BRIP1: variants seen among roughly 807,000 people sequenced by gnomAD.
The protein encoded by BRIP1 is BRCA1 interacting DNA helicase 1.
In BRIP1, 88 loss-of-function variants were observed where a neutral mutation model predicts 119.7. The ratio of observed to expected loss-of-function variants is 0.74; its 90% CI spans 0.62 to 0.88. The LOEUF is 0.88. BRIP1 is among the 40% of genes least tolerant of loss of function. BRIP1 has a pLI of 0.00. For missense variants in BRIP1, 1,259 were observed against 1,455.4 expected, an observed-to-expected ratio of 0.87 and a Z score of 2.20; for synonymous variants, 443 against 496.5, an observed-to-expected ratio of 0.89 and a Z score of 1.43.
rs576312975 is a variant in BRIP1 at position 61,791,267 on chromosome 17, T to A, written c.1473+2330A>T. Among the ~76,000 whole-genome samples the A allele has an allele frequency of 1.3e-3, 204 of 151,858 alleles. No homozygotes were observed. In the South Asian group the frequency reaches 0.014, roughly 11 times the overall value. Reference sequence around the variant, plus strand: ...ACTTTGGGAGGCCAAGGCAGGTGGATCACTTGAGGTCAGGAGTTTGACACC... The same window carrying A: ...ACTTTGGGAGGCCAAGGCAGGTGGAACACTTGAGGTCAGGAGTTTGACACC... On this transcript the variant is annotated intron_variant, in intron 10 of 19. Transcript: ENST00000259008.
chr17:61,846,694 T>C lies in BRIP1; in HGVS notation c.627+407A>G, dbSNP rs2078738390. On this transcript the variant is annotated intron_variant, in intron 6 of 19. Coordinates refer to ENST00000259008, the MANE Select transcript of BRIP1 (RefSeq NM_032043.3). This position sits in a 1 kb window ranked among gnomAD's most constrained non-coding sequence, Gnocchi z 4.3. ...GAGCCACCACGCCTGGCCTACAACA[T>C]CTTAATATTATTACAAAAATAATTT... Among the ~76,000 whole-genome samples, 1 of 152,102 alleles carries C rather than the reference T, an allele frequency of 6.6e-6. No individual in the cohort carries two copies.
rs1015213243 is a variant in BRIP1, at chr17:61,780,178, T to C, written c.1935+83A>G. 1.4e-6 allele frequency: 2 copies of C among 1,415,628 alleles called. No individual in the cohort carries two copies. The highest frequency in any genetic ancestry group is 9.8e-7 in the Non-Finnish European group (1 of 1,017,906). The allele number at this position is 1,415,628 out of a possible 1,614,324, so 87.7% of individuals were successfully genotyped here. ...CCTACCAAGATTTACTTGCTGGCACTTCAGGTATCTTCTAACTTGTTTACA... is the reference window on the plus strand; with the variant it reads ...CCTACCAAGATTTACTTGCTGGCACCTCAGGTATCTTCTAACTTGTTTACA... On this transcript the variant is annotated intron_variant, in intron 13 of 19. Transcript: ENST00000259008. The surrounding 1 kb of genome is among the most constrained non-coding windows in gnomAD (Gnocchi z 5.4).
intron 6 of BRIP1, among the ~76,000 whole-genome samples, chr17:61,818,207 G>A (rs556799028): frequency 1.1e-4 from 17 of 147,902 alleles, no homozygotes; most frequent in African/African-American, 4.0e-4. Context: ...GGAGGGGGGG[G>A]AAAGATGGGC....
At chr17:61,835,925 A>G (rs1367290969) in intron 6 of BRIP1, among the ~76,000 whole-genome samples, 1 of 152,132 alleles carries the variant, frequency 6.6e-6, no homozygotes, top group African/African-American at 2.4e-5. Flanking sequence ...CTGTAAAAGA[A>G]CTATTAAAAA....
chr17:61,796,595 T>C lies in BRIP1; in HGVS notation c.1340+2505A>G, dbSNP rs2145272934. ...TGTGGATTTGTTTCTGAGTTCTCTA[T>C]TCTGTTCCATTGATCTGTGTGTCTG... is the stretch of plus-strand genomic sequence containing the variant. On this transcript the variant is annotated intron_variant, in intron 9 of 19. Transcript: ENST00000259008. The surrounding 1 kb of genome is among the most constrained non-coding windows in gnomAD (Gnocchi z 4.8). Among the ~76,000 whole-genome samples, 1 of 152,216 alleles carries C rather than the reference T, an allele frequency of 6.6e-6. No individual in the cohort carries two copies. The highest frequency in any genetic ancestry group is 1.9e-4 in the East Asian group (1 of 5,188).
At position 61,684,659 on chromosome 17, in the gene BRIP1, A is replaced by G. The variant is rs987574077; in HGVS notation, c.2906-519T>C. On this transcript the variant is annotated intron_variant, in intron 19 of 19. Transcript: ENST00000259008. This position sits in a 1 kb window ranked among gnomAD's most constrained non-coding sequence, Gnocchi z 4.5. ...TAATCGGCTTGAATTCACTATTTAT[A>G]GTGAATTTTGTATTACTATTTTGTA... 5.9e-5 allele frequency: 9 copies of G among 152,884 alleles called. No homozygotes were observed. Among genetic ancestry groups the G allele is most frequent in the African/African-American group, 2.2e-4 (9 of 41,454 alleles). 9.5% of individuals were successfully genotyped at this position (152,884 alleles called of 1,614,324 possible).
In BRIP1 at chr17:61,708,062, G is replaced by A. The variant is rs1441048587; in HGVS notation, c.2492+7889C>T. On this transcript the variant is annotated intron_variant, in intron 17 of 19. Transcript: ENST00000259008. This position sits in a 1 kb window ranked among gnomAD's most constrained non-coding sequence, Gnocchi z 4.4. ...GGGTTTCACCATGTTGGCCAGGCTG[G>A]TCTCAAACTGCTGACCTCAAGTGAT... Among the ~76,000 whole-genome samples the A allele has an allele frequency of 6.6e-6, 1 of 151,996 alleles. No homozygotes were observed. Among genetic ancestry groups the A allele is most frequent in the African/African-American group, 2.4e-5 (1 of 41,358 alleles).
In BRIP1 at chr17:61,828,552, A is replaced by G. The variant is rs1324377909; in HGVS notation, c.627+18549T>C. On this transcript the variant is annotated intron_variant, in intron 6 of 19. Coordinates refer to ENST00000259008, the MANE Select transcript of BRIP1 (RefSeq NM_032043.3). The surrounding 1 kb of genome is among the most constrained non-coding windows in gnomAD (Gnocchi z 4.1). ...AGATAAATGGTAAATTTTATGTTAT[A>G]TATATTTTACCATTAAAAACATGAA... Among the ~76,000 whole-genome samples, 3 of 152,202 alleles carry G rather than the reference A, an allele frequency of 2.0e-5. 1 individual carries two copies. The highest frequency in any genetic ancestry group is 2.0e-4 in the Admixed American group (3 of 15,282).
rs1189434912 is a variant in BRIP1, at chr17:61,689,317, T to G, written c.2576-3152A>C. 6.6e-6 allele frequency among the ~76,000 whole-genome samples: 1 copy of G among 151,652 alleles called. No homozygotes were observed. Among genetic ancestry groups the G allele is most frequent in the Non-Finnish European group, 1.5e-5 (1 of 67,954 alleles). On this transcript the variant is annotated intron_variant, in intron 18 of 19. Transcript: ENST00000259008. The surrounding 1 kb of genome is among the most constrained non-coding windows in gnomAD (Gnocchi z 4.5). The stretch of plus-strand genomic sequence containing the variant: ...CCTCAGCCTCCCAAAGTGCTAAGAA[T>G]CAGGAAATTTGAAGGCAAGTCGTTT...
At position 61,742,852 on chromosome 17, in the gene BRIP1, T is replaced by C. The variant is rs997810899; in HGVS notation, c.2379+161A>G. ...AAGTGACCACATGCTGTTGGAAAAATGGTGCTGAAAGACTTGCACAATGCA... is the reference window on the plus strand; with the variant it reads ...AAGTGACCACATGCTGTTGGAAAAACGGTGCTGAAAGACTTGCACAATGCA... On this transcript the variant is annotated intron_variant, in intron 16 of 19. Transcript: ENST00000259008. The surrounding 1 kb of genome is among the most constrained non-coding windows in gnomAD (Gnocchi z 4.7). Among the ~76,000 whole-genome samples the C allele has an allele frequency of 1.3e-5, 2 of 152,078 alleles. No individual in the cohort carries two copies. Among genetic ancestry groups the C allele is most frequent in the Non-Finnish European group, 2.9e-5 (2 of 68,016 alleles).
At position 61,804,250 on chromosome 17, in the gene BRIP1, T is replaced by C. The variant is rs2078038467; in HGVS notation, c.919-2776A>G. ...TCATTGGAACTAAGTGGTAGAATAATGGGCCACTTTTATTTTAATTAATTC... is the reference window on the plus strand; with the variant it reads ...TCATTGGAACTAAGTGGTAGAATAACGGGCCACTTTTATTTTAATTAATTC... On this transcript the variant is annotated intron_variant, in intron 7 of 19. Transcript: ENST00000259008. This position sits in a 1 kb window ranked among gnomAD's most constrained non-coding sequence, Gnocchi z 4.5. Among the ~76,000 whole-genome samples, 1 of 152,180 alleles carries C rather than the reference T, an allele frequency of 6.6e-6. No individual in the cohort carries two copies. Among genetic ancestry groups the C allele is most frequent in the Non-Finnish European group, 1.5e-5 (1 of 68,032 alleles).
Position 61,760,963 on chromosome 17 carries a change from T to A in BRIP1, c.2097+15438A>T, listed in dbSNP as rs2077269536. On this transcript the variant is annotated intron_variant, in intron 14 of 19. Transcript: ENST00000259008. The surrounding 1 kb of genome is among the most constrained non-coding windows in gnomAD (Gnocchi z 4.6). ...TAAGGACAATACAAGAAAAGAAAAC[T>A]GTAGGCCAATATCCTTGATAAATAG... Among the ~76,000 whole-genome samples, 1 of 151,968 alleles carries A rather than the reference T, an allele frequency of 6.6e-6. No homozygotes were observed. Among genetic ancestry groups the A allele is most frequent in the African/African-American group, 2.4e-5 (1 of 41,416 alleles).
intron 18 of BRIP1, among the ~76,000 whole-genome samples, chr17:61,692,660 T>C (rs1330956216): frequency 6.6e-6 from 1 of 152,060 alleles, no homozygotes; most frequent in Non-Finnish European, 1.5e-5. Flanking sequence ...CACTGTGCTA[T>C]CACATTATAC....
At chr17:61,833,574 G>A (rs2078524326) in intron 6 of BRIP1, among the ~76,000 whole-genome samples, 1 of 151,818 alleles carries the variant, frequency 6.6e-6, no homozygotes, top group Non-Finnish European at 1.5e-5. Context: ...GAGCGGCTGA[G>A]GCAGGAGAAT....
chr17:61,848,621 T>G lies in BRIP1; in HGVS notation c.507+508A>C, dbSNP rs2078769337. On this transcript the variant is annotated intron_variant, in intron 5 of 19. Coordinates refer to ENST00000259008, the MANE Select transcript of BRIP1 (RefSeq NM_032043.3). The surrounding 1 kb of genome is among the most constrained non-coding windows in gnomAD (Gnocchi z 4.3). ...GTGTTCATCTGCATCCAAATTTCATTTAAAATATCTGGTAATTCAAGCCTT... is the reference window on the plus strand; with the variant it reads ...GTGTTCATCTGCATCCAAATTTCATGTAAAATATCTGGTAATTCAAGCCTT... Among the ~76,000 whole-genome samples the G allele has an allele frequency of 6.6e-6, 1 of 152,196 alleles. No homozygotes were observed. The highest frequency in any genetic ancestry group is 2.1e-4 in the South Asian group (1 of 4,832).
rs1279615887 is a variant in BRIP1, at chr17:61,691,468, T to G, written c.2575+1962A>C. ...ATGTCCATACTACTGAAAGCAATCT[T>G]TTTTTGAGACAGAATCTTGCTCTGT... On this transcript the variant is annotated intron_variant, in intron 18 of 19. Coordinates refer to ENST00000259008, the MANE Select transcript of BRIP1 (RefSeq NM_032043.3). The surrounding 1 kb of genome is among the most constrained non-coding windows in gnomAD (Gnocchi z 5.0). Among the ~76,000 whole-genome samples the G allele has an allele frequency of 1.3e-5, 2 of 152,172 alleles. No individual in the cohort carries two copies. The highest frequency in any genetic ancestry group is 2.9e-5 in the Non-Finnish European group (2 of 68,028).
In BRIP1 at chr17:61,780,892, C is replaced by T. The variant is rs587778133; in HGVS notation, c.1742G>A (p.Arg581Gln). The change falls in exon 12 of 20, where the codon CGA becomes CAA. Residue 581 changes from arginine (R) to glutamine (Q), a missense_variant. By Grantham distance (43) the Arg-to-Gln change is conservative. Transcript: ENST00000259008. This position sits in a 1 kb window ranked among gnomAD's most constrained non-coding sequence, Gnocchi z 5.4. ...LVLPKNKKRS[R>Q]QKTAVHVLNF... is the part of the protein sequence containing the mutation. ...TAGCACATGAACTGCAGTTTTCTGT[C>T]GTGAACGTTTCTTATTTTTTGGTAG... 7.4e-6 allele frequency: 12 copies of T among 1,614,008 alleles called. No individual in the cohort carries two copies. Among genetic ancestry groups the T allele is most frequent in the African/African-American group, 6.7e-5 (5 of 74,926 alleles).
At chr17:61,747,451 A>C (rs761871074) in intron 14 of BRIP1, among the ~76,000 whole-genome samples, 47 of 152,048 alleles carry the variant, frequency 3.1e-4, no homozygotes, top group Non-Finnish European at 5.4e-4. Flanking sequence ...GAAATGAAAG[A>C]AGACACACTG....
At chr17:61,817,249 T>C (rs759183999) in intron 6 of BRIP1, among the ~76,000 whole-genome samples, 47 of 152,174 alleles carry the variant, frequency 3.1e-4, no homozygotes, top group Non-Finnish European at 2.8e-4. Flanking sequence ...GACATATATG[T>C]ATTATTTAGT....
Sources: gnomAD v4.1 joint callset for allele counts (sites outside exome capture counted in the v4.1 genomes callset) on GRCh38, gnomAD v4.1.1 for gene constraint, Gnocchi (gnomAD v3.1) non-coding constraint, MANE v1.5 for transcripts, NCBI Gene and HGNC (gene_info 2026-07-23, HGNC 2026-07-21) for gene names.